BTBD8: variants seen among roughly 807,000 people sequenced by gnomAD.
The protein encoded by BTBD8 is BTB/POZ domain-containing protein 8.
A neutral mutation model predicts 162.9 loss-of-function variants in BTBD8; 110 were observed. The observed-to-expected ratio is 0.68, with a 90% CI of 0.58 to 0.79. BTBD8 has a LOEUF of 0.79. BTBD8 is among the 30% of genes least tolerant of loss of function. The pLI, the probability that BTBD8 is intolerant of heterozygous loss-of-function variation, is 0.00. For missense variants in BTBD8, 1,905 were observed against 2,085.4 expected (o/e 0.91, Z 1.68); for synonymous variants, 667 against 716.1 (o/e 0.93, Z 1.10).
chr1:92,175,837 G>A (rs956341127), intron 13 of BTBD8, among the ~76,000 whole-genome samples: 4 of 152,008 alleles, frequency 2.6e-5, no homozygotes, highest in Non-Finnish European at 5.9e-5. Context: ...ATGACAATAT[G>A]ATCTTAAAAT....
chr1:92,146,642 C>T (rs990404260), intron 7 of BTBD8, among the ~76,000 whole-genome samples: 1 of 152,222 alleles, frequency 6.6e-6, no homozygotes, highest in Admixed American at 6.5e-5. Flanking sequence ...CCAGCAACCA[C>T]TGACCTTTTT....
At chr1:92,086,713 C>T (rs1413936188) in intron 1 of BTBD8, among the ~76,000 whole-genome samples, 1 of 152,108 alleles carries the variant, frequency 6.6e-6, no homozygotes, top group Non-Finnish European at 1.5e-5. Flanking sequence ...AAGAGGGCTC[C>T]ACCCTCATGG....
In BTBD8 at chr1:92,182,250, T is replaced by C; in HGVS notation, c.4567T>C (p.Ser1523Pro). The C allele has an allele frequency of 6.4e-7, 1 of 1,550,888 alleles. No individual in the cohort carries two copies. Among genetic ancestry groups the C allele is most frequent in the South Asian group, 1.2e-5 (1 of 83,928 alleles). ...TVLDLSSIDS[S>P]RKNKQSVSAT... Reference sequence around the variant, plus strand: ...CTTGGATCTTAGTAGCATTGACTCTTCAAGAAAAAATAAACAGAGTGTTTC... The same window carrying C: ...CTTGGATCTTAGTAGCATTGACTCTCCAAGAAAAAATAAACAGAGTGTTTC... The change falls in exon 17 of 18, where the codon TCA becomes CCA. Residue 1523 changes from serine to proline, a missense_variant. By Grantham distance (74) the Ser-to-Pro change is moderately conservative. Transcript: ENST00000636805.
chr1:92,141,570 G>A lies in BTBD8; in HGVS notation c.930+359G>A, dbSNP rs148957567. Among the ~76,000 whole-genome samples the A allele has an allele frequency of 1.8e-3, 268 of 152,262 alleles. 3 individuals are homozygous for A. The highest frequency in any genetic ancestry group is 5.9e-3 in the African/African-American group (245 of 41,560). On this transcript the variant is annotated intron_variant, in intron 7 of 17. Transcript: ENST00000636805. ...TTTATTTGTTCTTATTCCTGAAAGT[G>A]TAATCCTTCTTTCTACCACTTCTCT...
At position 92,167,900 on chromosome 1, in the gene BTBD8, T is replaced by C; in HGVS notation, c.1358T>C (p.Ile453Thr). 6.4e-7 allele frequency: 1 copy of C among 1,550,998 alleles called. No homozygotes were observed. The highest frequency in any genetic ancestry group is 1.2e-5 in the South Asian group (1 of 83,998). Residue 453 changes from isoleucine to threonine, a missense_variant, in exon 11 of 18, where the codon ATT (isoleucine) becomes ACT (threonine). Ile to Thr is a moderately conservative substitution (Grantham distance 89, BLOSUM62 -1). Around this residue, in one of 3 missense-constraint regions of BTBD8, gnomAD observed 1,374 missense variants for 1,442.7 expected, o/e 0.95. Coordinates refer to ENST00000636805, the MANE Select transcript of BTBD8 (RefSeq NM_001376131.1). ...ADLLDTILKA[I>T]EENITTENSC... ...CTGTTGGACACAATTTTAAAAGCAATTGAAGAAAATATCACCACTGAAAAT... is the reference window on the plus strand; with the variant it reads ...CTGTTGGACACAATTTTAAAAGCAACTGAAGAAAATATCACCACTGAAAAT...
At chr1:92,098,444 T>A (rs1648509008) in intron 2 of BTBD8, among the ~76,000 whole-genome samples, 1 of 152,220 alleles carries the variant, frequency 6.6e-6, no homozygotes, top group Admixed American at 6.5e-5. Context: ...ATTATATACC[T>A]AGGAGTGGAA....
At chr1:92,137,686 A>G (rs997262682) in intron 5 of BTBD8, among the ~76,000 whole-genome samples, 2 of 152,218 alleles carry the variant, frequency 1.3e-5, no homozygotes, top group Non-Finnish European at 2.9e-5. Context: ...AGTATCCCTT[A>G]TCTGAAATGC....
intron 4 of BTBD8, among the ~76,000 whole-genome samples, chr1:92,121,614 A>G (rs1337059912): frequency 1.3e-5 from 2 of 152,184 alleles, no homozygotes; most frequent in African/African-American, 4.8e-5. Flanking sequence ...CACACAACTT[A>G]AAGTCCAGTT....
Position 92,080,435 on chromosome 1 carries a change from G to A in BTBD8, c.-137G>A, listed in dbSNP as rs1186151203. On this transcript the variant is annotated 5_prime_UTR_variant, in exon 1 of 18. Coordinates refer to ENST00000636805, the MANE Select transcript of BTBD8 (RefSeq NM_001376131.1). Reference sequence around the variant, plus strand: ...TGGGAGACTGTCTACAAACCGACGAGAGGCGTCAACCTTTTACCCTAGGGG... The same window carrying A: ...TGGGAGACTGTCTACAAACCGACGAAAGGCGTCAACCTTTTACCCTAGGGG... 22 of 1,282,658 alleles carry A rather than the reference G, an allele frequency of 1.7e-5. No homozygotes were observed. The highest frequency in any genetic ancestry group is 2.8e-4 in the Middle Eastern group (1 of 3,576). 79.5% of individuals were successfully genotyped at this position (1,282,658 alleles called of 1,614,324 possible). A position where few individuals can be genotyped will look rare whatever the true frequency, so the allele number is the denominator to read the frequency against.
chr1:92,172,382 G>A (rs1272304588), intron 13 of BTBD8, among the ~76,000 whole-genome samples: 1 of 152,202 alleles, frequency 6.6e-6, no homozygotes, highest in Non-Finnish European at 1.5e-5. Context: ...TTACTGAAGT[G>A]TATTAAAGAG....
chr1:92,110,854 A>G (rs1253006224), intron 4 of BTBD8, among the ~76,000 whole-genome samples: 2 of 151,946 alleles, frequency 1.3e-5, no homozygotes, highest in Non-Finnish European at 2.9e-5. Flanking sequence ...CTGACTTCCC[A>G]TTTTTTAATG....
chr1:92,115,208 C>A, intron 4 of BTBD8: 1 of 513,312 alleles, frequency 1.9e-6, no homozygotes, highest in Non-Finnish European at 3.8e-6. Context: ...TGGAGAGCCC[C>A]ATAGCCATCA....
chr1:92,163,826 A>G (rs879529015), intron 9 of BTBD8, among the ~76,000 whole-genome samples: 1 of 152,202 alleles, frequency 6.6e-6, no homozygotes, highest in Non-Finnish European at 1.5e-5. Flanking sequence ...GAATAAGATC[A>G]TGTATCATCT....
intron 6 of BTBD8, 105 bp from the exon 7 acceptor site, chr1:92,141,010 G>C: frequency 8.8e-7 from 1 of 1,136,654 alleles, no homozygotes; most frequent in East Asian, 3.4e-5. Context: ...AAATATTTCA[G>C]ATTATTCTTT....
intron 2 of BTBD8, among the ~76,000 whole-genome samples, chr1:92,100,957 A>G (rs927916810): frequency 6.6e-6 from 1 of 152,070 alleles, no homozygotes; most frequent in African/African-American, 2.4e-5. Context: ...TTGTGGGGGA[A>G]CAGGTGGTGT....
chr1:92,147,507 G>T (rs765121040), intron 8 of BTBD8, among the ~76,000 whole-genome samples, 177 bp from the exon 9 acceptor site: 36 of 152,118 alleles, frequency 2.4e-4, no homozygotes, highest in Admixed American at 1.2e-3. Flanking sequence ...TGTGCACATG[G>T]ATTTAAAATA....
chr1:92,167,717 A>T, intron 10 of BTBD8, 131 bp from the exon 11 acceptor site: 1 of 672,848 alleles, frequency 1.5e-6, no homozygotes, highest in Non-Finnish European at 2.3e-6. Context: ...CGAATTTTTT[A>T]ACAAAGGGAA....
intron 4 of BTBD8, among the ~76,000 whole-genome samples, chr1:92,122,230 T>G (rs1308332601): frequency 1.3e-5 from 2 of 151,602 alleles, no homozygotes; most frequent in African/African-American, 2.4e-5. Flanking sequence ...TGATGGAATA[T>G]TGGTTGTTTC....
At position 92,147,347 on chromosome 1, in the gene BTBD8, T is replaced by C. The variant is rs916351402; in HGVS notation, c.1019+79T>C. On this transcript the variant is annotated intron_variant, in intron 8 of 17. Transcript: ENST00000636805. ...GTTCTTCTAATTTTGTGGGGAACTT[T>C]AGAGTTGGCCTGTTTTCTTGGACAC... The C allele has an allele frequency of 2.8e-5, 35 of 1,268,972 alleles. No homozygotes were observed. In the Middle Eastern group the frequency reaches 7.6e-4, roughly 27 times the overall value. The allele number at this position is 1,268,972 out of a possible 1,614,324, so 78.6% of individuals were successfully genotyped here.
Sources: gnomAD v4.1 joint callset for allele counts (sites outside exome capture counted in the v4.1 genomes callset) on GRCh38, gnomAD v4.1.1 for gene constraint, gnomAD v4.1.1 regional missense constraint, MANE v1.5 for transcripts, NCBI Gene and HGNC (gene_info 2026-07-23, HGNC 2026-07-21) for gene names.